The following NME7 variants were observed in gnomAD, a reference collection of about 807,000 sequenced individuals.
NME7 encodes the protein nucleoside diphosphate kinase 7.
A neutral mutation model predicts 49.1 loss-of-function variants in NME7; 41 were observed. The observed-to-expected ratio is 0.83, with a 90% CI of 0.65 to 1.08. The LOEUF (loss-of-function observed/expected upper bound fraction) is 1.08. Among genes scored for constraint, NME7 ranks in the 50% least tolerant of loss-of-function variants. The pLI is 0.00. For synonymous variants in NME7, 139 were observed against 150.6 expected, an observed-to-expected ratio of 0.92 and a Z score of 0.56; for missense variants, 423 against 463.4, an observed-to-expected ratio of 0.91 and a Z score of 0.80.
intron 6 of NME7, among the ~76,000 whole-genome samples, chr1:169,296,005 T>C (rs1650692443): frequency 3.3e-5 from 5 of 152,134 alleles, no homozygotes. Flanking sequence ...TCCTTTTGCC[T>C]AATTAATGAA....
Position 169,269,256 on chromosome 1 carries a change from T to C in NME7, c.754+18047A>G, listed in dbSNP as rs548489609. ...TGTTTCAAAAATGTATGCTAAGCTC[T>C]GTGCATTCAAAGTCAGGGTCCTAAC... On this transcript the variant is annotated intron_variant, in intron 7 of 11. Transcript: ENST00000367811. Among the ~76,000 whole-genome samples, 3 of 133,890 alleles carry C rather than the reference T, an allele frequency of 2.2e-5. 1 individual carries two copies. In the South Asian group the frequency reaches 6.9e-4, roughly 31 times the overall value. The allele number at this position is 133,890 out of a possible 152,430, so 87.8% of individuals were successfully genotyped here. A position where few individuals can be genotyped will look rare whatever the true frequency, so the allele number is the denominator to read the frequency against.
chr1:169,177,280 T>C (rs974824524), intron 10 of NME7, among the ~76,000 whole-genome samples: 6 of 152,158 alleles, frequency 3.9e-5, no homozygotes, highest in African/African-American at 1.4e-4. Context: ...CCTGTATCAG[T>C]CGGCTTCTAT....
At chr1:169,335,251 A>G (rs768732204) in intron 1 of NME7, among the ~76,000 whole-genome samples, 31 of 152,216 alleles carry the variant, frequency 2.0e-4, no homozygotes, top group Non-Finnish European at 3.7e-4. Context: ...ATAAAGACAC[A>G]TGCACACATA....
At chr1:169,274,136 T>C (rs1649605595) in intron 7 of NME7, among the ~76,000 whole-genome samples, 1 of 131,726 alleles carries the variant, frequency 7.6e-6, no homozygotes, top group South Asian at 2.4e-4. Flanking sequence ...TGTTGTATCC[T>C]GACTTTTTAA....
At chr1:169,306,194 A>C (rs1466694989) in intron 4 of NME7, among the ~76,000 whole-genome samples, 1 of 152,202 alleles carries the variant, frequency 6.6e-6, no homozygotes, top group Non-Finnish European at 1.5e-5. Flanking sequence ...CAGATGACTA[A>C]GAGTCTTGTA....
At chr1:169,251,558 T>TA (rs1648613071) in intron 7 of NME7, among the ~76,000 whole-genome samples, 1 of 127,730 alleles carries the variant, frequency 7.8e-6, no homozygotes, top group African/African-American at 2.6e-5. Context: ...TTTTTTTTTT[T>TA]TTCTTTTTTT....
intron 10 of NME7, among the ~76,000 whole-genome samples, chr1:169,198,077 C>G (rs1346982822): frequency 6.6e-6 from 1 of 151,922 alleles, no homozygotes; most frequent in East Asian, 1.9e-4. Context: ...GGAAGATATA[C>G]AAATGGCCAA....
At chr1:169,150,479 T>C (rs1205714663) in intron 11 of NME7, among the ~76,000 whole-genome samples, 1 of 152,162 alleles carries the variant, frequency 6.6e-6, no homozygotes, top group Non-Finnish European at 1.5e-5. Context: ...TCACTTAATA[T>C]ATTAACATTA....
intron 10 of NME7, among the ~76,000 whole-genome samples, chr1:169,198,842 A>G (rs147432790): frequency 1.8e-4 from 27 of 152,256 alleles, no homozygotes; most frequent in African/African-American, 6.5e-4. Context: ...TTGGTATGTG[A>G]ATTACACCTC....
chr1:169,332,326 G>A (rs1652288011), intron 1 of NME7, among the ~76,000 whole-genome samples: 1 of 152,074 alleles, frequency 6.6e-6, no homozygotes. Flanking sequence ...AAATAAAAAT[G>A]GATTAAAGTC....
chr1:169,317,684 C>A (rs927099142), intron 3 of NME7, among the ~76,000 whole-genome samples: 1 of 152,170 alleles, frequency 6.6e-6, no homozygotes, highest in Non-Finnish European at 1.5e-5. Context: ...GAGAGCAAGA[C>A]TAAACTAATA....
chr1:169,149,198 G>A (rs184665285), intron 11 of NME7, among the ~76,000 whole-genome samples: 10 of 152,222 alleles, frequency 6.6e-5, no homozygotes, highest in East Asian at 1.9e-4. Flanking sequence ...AACAATAGCC[G>A]GGTGTGGTGG....
intron 7 of NME7, among the ~76,000 whole-genome samples, chr1:169,278,002 G>A (rs546590461): frequency 6.6e-6 from 1 of 151,278 alleles, no homozygotes; most frequent in Admixed American, 6.6e-5. Context: ...TTTAAGAATG[G>A]TGAATATTGG....
chr1:169,173,302 T>C (rs1659656323), intron 10 of NME7, among the ~76,000 whole-genome samples: 2 of 152,168 alleles, frequency 1.3e-5, no homozygotes, highest in South Asian at 4.1e-4. Context: ...TATCTTTAAA[T>C]AAATATATAA....
At chr1:169,211,393 G>T (rs1469575987) in intron 10 of NME7, among the ~76,000 whole-genome samples, 9 of 152,044 alleles carry the variant, frequency 5.9e-5, no homozygotes, top group Non-Finnish European at 1.3e-4. Context: ...GTTTCTCTGG[G>T]TTTTGACTTT....
chr1:169,280,935 C>T (rs965245662), intron 7 of NME7, among the ~76,000 whole-genome samples: 3 of 151,986 alleles, frequency 2.0e-5, no homozygotes, highest in African/African-American at 4.8e-5. Context: ...CTTGGCTACG[C>T]AGGCTCTTTT....
intron 1 of NME7, among the ~76,000 whole-genome samples, chr1:169,359,749 T>A (rs1653592979): frequency 6.6e-6 from 1 of 152,058 alleles, no homozygotes; most frequent in Non-Finnish European, 1.5e-5. Flanking sequence ...TGAATTTACA[T>A]CTATCAGAGA....
chr1:169,335,768 T>TTA (rs1372551597), intron 1 of NME7, among the ~76,000 whole-genome samples: 5 of 147,002 alleles, frequency 3.4e-5, no homozygotes, highest in East Asian at 1.9e-4. Context: ...AAATATATAT[T>TTA]TATATATATG....
intron 1 of NME7, among the ~76,000 whole-genome samples, chr1:169,329,908 AAAGGTC>A (rs1347320072): frequency 6.6e-6 from 1 of 152,186 alleles, no homozygotes; most frequent in Non-Finnish European, 1.5e-5. Flanking sequence ...TCTAACTCTC[AAAGGTC>A]AAGGATAAAG....
Sources: gnomAD v4.1 joint callset for allele counts (sites outside exome capture counted in the v4.1 genomes callset) on GRCh38, gnomAD v4.1.1 for gene constraint, MANE v1.5 for transcripts, NCBI Gene and HGNC (gene_info 2026-07-23, HGNC 2026-07-21) for gene names.